RBFOX1: variants seen among roughly 807,000 people sequenced by gnomAD.
RBFOX1 encodes the protein RNA binding protein fox-1 homolog 1.
A neutral mutation model predicts 57.7 loss-of-function variants in RBFOX1; 8 were observed. That is an observed-to-expected ratio of 0.14 (90% CI 0.08 to 0.25). The LOEUF (loss-of-function observed/expected upper bound fraction) is 0.25. RBFOX1 is among the 10% of genes least tolerant of loss of function. The pLI, the probability that RBFOX1 is intolerant of heterozygous loss-of-function variation, is 1.00. For synonymous variants in RBFOX1, 326 were observed against 222.4 expected, an observed-to-expected ratio of 1.47 and a Z score of -4.15; for missense variants, 611 against 548.5, an observed-to-expected ratio of 1.11 and a Z score of -1.14.
chr16:5,835,529 G>T (rs189686460), intron 3 of RBFOX1, among the ~76,000 whole-genome samples: 47 of 152,174 alleles, frequency 3.1e-4, no homozygotes, highest in African/African-American at 1.1e-3. Flanking sequence ...AGATTCCCAG[G>T]ACCCTCTTGG....
intron 3 of RBFOX1, among the ~76,000 whole-genome samples, chr16:6,972,713 G>A (rs1598785657): frequency 6.6e-6 from 1 of 152,242 alleles, no homozygotes; most frequent in East Asian, 1.9e-4. Context: ...AGGCAGAGGT[G>A]GTCTCATGCG....
At chr16:5,844,473 T>C (rs2056701583) in intron 3 of RBFOX1, among the ~76,000 whole-genome samples, 3 of 152,216 alleles carry the variant, frequency 2.0e-5, no homozygotes, top group Non-Finnish European at 4.4e-5. Context: ...AGCATCTGTC[T>C]TCATCCCTGA....
chr16:6,081,851 C>T (rs1031279864), intron 1 of RBFOX1, among the ~76,000 whole-genome samples: 1 of 152,116 alleles, frequency 6.6e-6, no homozygotes, highest in Non-Finnish European at 1.5e-5. Flanking sequence ...CTTGAGAGTC[C>T]TAGTCCTTGT....
rs550132993 is a variant in RBFOX1, at chr16:6,805,566, T to C, written c.-16+150916T>C. Among the ~76,000 whole-genome samples the C allele has an allele frequency of 1.3e-3, 198 of 149,966 alleles. 1 individual carries two copies. The highest frequency in any genetic ancestry group is 4.9e-3 in the African/African-American group (193 of 39,384). ...GTTAAAAAAATTCTCACTTCAGTTA[T>C]CACATTGAAAGGAATACAGATCATC... On this transcript the variant is annotated intron_variant, in intron 3 of 15. Coordinates refer to ENST00000550418, the MANE Select transcript of RBFOX1 (RefSeq NM_018723.4).
intron 1 of RBFOX1, among the ~76,000 whole-genome samples, chr16:6,187,016 T>C (rs9938831): frequency 0.098 from 14,972 of 152,278 alleles, 921 homozygotes; most frequent in East Asian, 0.24. Flanking sequence ...TCAGTGATAC[T>C]GTTGAACTGT....
chr16:6,684,187 G>A (rs2059088733), intron 3 of RBFOX1, among the ~76,000 whole-genome samples: 1 of 152,206 alleles, frequency 6.6e-6, no homozygotes, highest in Non-Finnish European at 1.5e-5. Context: ...ACGCAAGGAT[G>A]TACGCAAATG....
chr16:7,394,367 C>T (rs1470077769), intron 4 of RBFOX1, among the ~76,000 whole-genome samples: 1 of 151,076 alleles, frequency 6.6e-6, no homozygotes, highest in Non-Finnish European at 1.5e-5. Context: ...TGAGTAGTTC[C>T]AATTTTACCC....
At chr16:5,896,898 G>A (rs973458181) in intron 4 of RBFOX1, among the ~76,000 whole-genome samples, 1 of 151,756 alleles carries the variant, frequency 6.6e-6, no homozygotes, top group Non-Finnish European at 1.5e-5. Flanking sequence ...CTGCTTTTGA[G>A]CAGCTGCCAA....
intron 4 of RBFOX1, among the ~76,000 whole-genome samples, chr16:7,074,609 T>C (rs964302936): frequency 6.6e-6 from 1 of 152,226 alleles, no homozygotes; most frequent in East Asian, 1.9e-4. Context: ...ATACATATAA[T>C]TGGATTTCTG....
At chr16:6,921,645 ATTTT>A (rs372298051) in intron 3 of RBFOX1, among the ~76,000 whole-genome samples, 3 of 55,268 alleles carry the variant, frequency 5.4e-5, no homozygotes, top group East Asian at 7.1e-4. Flanking sequence ...ATATATATAT[ATTTT>A]TTTTTTTCTT....
At chr16:6,635,967 C>G (rs563951146) in intron 2 of RBFOX1, among the ~76,000 whole-genome samples, 34 of 152,106 alleles carry the variant, frequency 2.2e-4, no homozygotes, top group Non-Finnish European at 4.9e-4. Context: ...AGTTGAGAAC[C>G]GTCATTGCCT....
intron 3 of RBFOX1, among the ~76,000 whole-genome samples, chr16:6,957,525 G>C (rs1185306817): frequency 1.3e-5 from 2 of 152,134 alleles, no homozygotes; most frequent in Admixed American, 1.3e-4. Flanking sequence ...CGTGCTGGGG[G>C]GAGTGTAGCA....
At chr16:6,758,336 G>A (rs1031351627) in intron 3 of RBFOX1, among the ~76,000 whole-genome samples, 3 of 151,982 alleles carry the variant, frequency 2.0e-5, no homozygotes, top group South Asian at 2.1e-4. Flanking sequence ...TGTAAACCAC[G>A]ACATAATAGA....
At chr16:5,730,211 G>A (rs2052313778) in intron 3 of RBFOX1, among the ~76,000 whole-genome samples, 1 of 152,214 alleles carries the variant, frequency 6.6e-6, no homozygotes, top group African/African-American at 2.4e-5. Flanking sequence ...AATTAGGGGA[G>A]CCTTGAAGAC....
chr16:7,672,514 A>G (rs1159073532), intron 13 of RBFOX1, among the ~76,000 whole-genome samples: 1 of 152,156 alleles, frequency 6.6e-6, no homozygotes, highest in Non-Finnish European at 1.5e-5. Flanking sequence ...TCCTGAGATG[A>G]ACTTTCACTG....
At chr16:6,754,750 A>G (rs11077078) in intron 3 of RBFOX1, among the ~76,000 whole-genome samples, 33,246 of 151,886 alleles carry the variant, frequency 0.22, 3,820 homozygotes, top group East Asian at 0.35. Flanking sequence ...CATGTGCACA[A>G]TGTGCAGGTT....
chr16:6,861,823 G>GGT (rs71408410), intron 3 of RBFOX1, among the ~76,000 whole-genome samples: 1 of 92,456 alleles, frequency 1.1e-5, no homozygotes, highest in African/African-American at 4.3e-5. Flanking sequence ...GCGTCCCTTG[G>GGT]TTTTTTTTTT....
At chr16:5,606,169 A>G (rs2047571321) in intron 3 of RBFOX1, among the ~76,000 whole-genome samples, 2 of 152,118 alleles carry the variant, frequency 1.3e-5, no homozygotes, top group African/African-American at 4.8e-5. Flanking sequence ...GTAGAGAGCA[A>G]GGTCCTGTGA....
intron 1 of RBFOX1, among the ~76,000 whole-genome samples, chr16:5,398,093 C>T (rs1480677133): frequency 1.3e-5 from 2 of 152,188 alleles, no homozygotes; most frequent in African/African-American, 2.4e-5. Flanking sequence ...AACTGAGATT[C>T]AACCTAGACG....
Sources: gnomAD v4.1 joint callset for allele counts (sites outside exome capture counted in the v4.1 genomes callset) on GRCh38, gnomAD v4.1.1 for gene constraint, MANE v1.5 for transcripts, NCBI Gene and HGNC (gene_info 2026-07-23, HGNC 2026-07-21) for gene names.